The following CYYR1 variants were observed in gnomAD, a reference collection of about 807,000 sequenced individuals.
CYYR1 encodes the protein cysteine and tyrosine rich 1.
CYYR1 carries 14 observed loss-of-function variants against 15.2 expected under a neutral mutation model. The observed-to-expected ratio is 0.92, with a 90% CI of 0.61 to 1.44. The LOEUF (loss-of-function observed/expected upper bound fraction) is 1.44, where lower values mean the gene tolerates loss of function less well. CYYR1 is among the 40% of genes most tolerant of loss of function. The pLI is 0.00. For missense variants in CYYR1, 228 were observed against 209.5 expected (o/e 1.09, Z -0.54); for synonymous variants, 80 against 77.4 (o/e 1.03, Z -0.18).
At chr21:26,513,350 G>T (rs1444076065) in intron 2 of CYYR1, among the ~76,000 whole-genome samples, 1 of 152,132 alleles carries the variant, frequency 6.6e-6, no homozygotes, top group Admixed American at 6.5e-5. Flanking sequence ...ACATGGGCAG[G>T]CCTGGCACAG....
At chr21:26,564,873 T>C (rs1202994213) in intron 2 of CYYR1, 4 of 1,117,032 alleles carry the variant, frequency 3.6e-6, no homozygotes, top group Non-Finnish European at 4.6e-6. Flanking sequence ...AATTTATTAA[T>C]AATATATTTT....
At position 26,517,144 on chromosome 21, in the gene CYYR1, A is replaced by AAAAAAG. The variant is rs1491223332; in HGVS notation, c.177-36716_177-36715insCTTTTT. ...AAAAAAAAAAAAAAAAAAAAAAAAAAGAATTCACTGGGATAATCTATCAAA... is the reference window on the plus strand; with the variant it reads ...AAAAAAAAAAAAAAAAAAAAAAAAAAAAAAAGGAATTCACTGGGATAATCTATCAAA... On this transcript the variant is annotated intron_variant, in intron 2 of 3. Coordinates refer to ENST00000652641, the MANE Select transcript of CYYR1 (RefSeq NM_001320768.2). 1.4e-3 allele frequency among the ~76,000 whole-genome samples: 156 copies of AAAAAAG among 111,408 alleles called. 6 individuals carry two copies. The highest frequency in any genetic ancestry group is 5.7e-3 in the Middle Eastern group (1 of 174). The allele number at this position is 111,408 out of a possible 152,430, so 73.1% of individuals were successfully genotyped here.
chr21:26,500,175 G>C (rs893437703), intron 2 of CYYR1, among the ~76,000 whole-genome samples: 10 of 151,942 alleles, frequency 6.6e-5, no homozygotes, highest in Non-Finnish European at 1.3e-4. Flanking sequence ...TCATGGTGGG[G>C]GATCCACCCT....
intron 1 of CYYR1, chr21:26,568,882 G>A (rs1356317031): frequency 6.6e-6 from 1 of 152,076 alleles, no homozygotes; most frequent in Non-Finnish European, 1.5e-5. Context: ...CCAATCATCA[G>A]AGAAATGCAA....
At chr21:26,553,668 G>A (rs905405678) in intron 2 of CYYR1, among the ~76,000 whole-genome samples, 11 of 152,108 alleles carry the variant, frequency 7.2e-5, no homozygotes, top group Non-Finnish European at 1.3e-4. Context: ...ACTTTCCACA[G>A]TCCTGAAGTA....
At chr21:26,569,868 T>A (rs7277524) in intron 1 of CYYR1, among the ~76,000 whole-genome samples, 12,473 of 152,240 alleles carry the variant, frequency 0.082, 1,731 homozygotes, top group African/African-American at 0.28. Context: ...CCCAAAATGT[T>A]GTAGCCAAGA....
chr21:26,572,184 G>A (rs1981048054), intron 1 of CYYR1, among the ~76,000 whole-genome samples: 2 of 152,300 alleles, frequency 1.3e-5, no homozygotes, highest in South Asian at 4.1e-4. Flanking sequence ...GACCACGTGT[G>A]TAAGACACTT....
chr21:26,483,408 C>G (rs2065209749), intron 2 of CYYR1: 1 of 875,420 alleles, frequency 1.1e-6, no homozygotes, highest in African/African-American at 3.0e-5. Flanking sequence ...GAATTCTCTC[C>G]TATCAAAAAA....
At chr21:26,536,012 C>G (rs1312662533) in intron 2 of CYYR1, among the ~76,000 whole-genome samples, 1 of 152,120 alleles carries the variant, frequency 6.6e-6, no homozygotes, top group African/African-American at 2.4e-5. Flanking sequence ...GCAGGCTGTA[C>G]AAGAAGCATG....
At chr21:26,541,943 A>T (rs1010653639) in intron 2 of CYYR1, among the ~76,000 whole-genome samples, 19 of 152,190 alleles carry the variant, frequency 1.2e-4, no homozygotes, top group African/African-American at 4.6e-4. Flanking sequence ...ATTTCAATTA[A>T]CTCAAAAGTA....
At position 26,517,144 on chromosome 21, in the gene CYYR1, A is replaced by AAAAG. The variant is rs1491223332; in HGVS notation, c.177-36716_177-36715insCTTT. On this transcript the variant is annotated intron_variant, in intron 2 of 3. Transcript: ENST00000652641. ...AAAAAAAAAAAAAAAAAAAAAAAAA[A>AAAAG]GAATTCACTGGGATAATCTATCAAA... Among the ~76,000 whole-genome samples the AAAAG allele has an allele frequency of 9.3e-3, 1,036 of 111,346 alleles. 96 individuals carry two copies. Among genetic ancestry groups the AAAAG allele is most frequent in the African/African-American group, 0.015 (423 of 27,646 alleles). The allele number at this position is 111,346 out of a possible 152,430, so 73.0% of individuals were successfully genotyped here. A position where few individuals can be genotyped will look rare whatever the true frequency, so the allele number is the denominator to read the frequency against.
chr21:26,526,456 A>C (rs1205974794), intron 2 of CYYR1, among the ~76,000 whole-genome samples: 1 of 151,528 alleles, frequency 6.6e-6, no homozygotes, highest in Non-Finnish European at 1.5e-5. Flanking sequence ...CCCACCCCCC[A>C]ACAACAACAA....
chr21:26,479,711 C>G (rs1013022910), intron 3 of CYYR1, among the ~76,000 whole-genome samples: 1 of 151,876 alleles, frequency 6.6e-6, no homozygotes, highest in Admixed American at 6.6e-5. Flanking sequence ...TGAGTTTCTC[C>G]AAGTTGGCCA....
intron 3 of CYYR1, among the ~76,000 whole-genome samples, chr21:26,475,753 C>T (rs1405385021): frequency 6.6e-6 from 1 of 152,140 alleles, no homozygotes; most frequent in Non-Finnish European, 1.5e-5. Flanking sequence ...GTTAATATGA[C>T]ATCAAAGAAG....
chr21:26,553,465 T>C (rs1442356242), intron 2 of CYYR1, among the ~76,000 whole-genome samples: 14 of 152,020 alleles, frequency 9.2e-5, no homozygotes, highest in Non-Finnish European at 2.1e-4. Flanking sequence ...CCTGTCCACA[T>C]TATGCTTGCT....
intron 3 of CYYR1, chr21:26,478,224 A>C (rs762967824): frequency 8.7e-5 from 129 of 1,489,724 alleles, no homozygotes; most frequent in Non-Finnish European, 1.1e-4. Flanking sequence ...CTCTGGATAA[A>C]AAGCAGAGCA....
At chr21:26,535,995 C>T (rs761469429) in intron 2 of CYYR1, among the ~76,000 whole-genome samples, 3 of 152,190 alleles carry the variant, frequency 2.0e-5, no homozygotes. Context: ...AATTGACTCA[C>T]AGTTCGGCAG....
At position 26,564,848 on chromosome 21, in the gene CYYR1, GAAAA is replaced by G. The variant is rs761229494; in HGVS notation, c.176+1414_176+1417del. 3 of 1,145,558 alleles carry G rather than the reference GAAAA, an allele frequency of 2.6e-6. No homozygotes were observed. The South Asian group carries it at 5.6e-5, about 21-fold the overall frequency. The allele number at this position is 1,145,558 out of a possible 1,614,324, so 71.0% of individuals were successfully genotyped here. On this transcript the variant is annotated intron_variant, in intron 2 of 3. Coordinates refer to ENST00000652641, the MANE Select transcript of CYYR1 (RefSeq NM_001320768.2). ...CATCTGGTATGTGGAGACAGTTTGAGAAAAAAAAAATTTAAATTTATTAATAATA... is the reference window on the plus strand; with the variant it reads ...CATCTGGTATGTGGAGACAGTTTGAGAAAAAATTTAAATTTATTAATAATA...
intron 2 of CYYR1, among the ~76,000 whole-genome samples, chr21:26,486,075 C>T (rs988050488): frequency 4.6e-5 from 7 of 152,192 alleles, no homozygotes; most frequent in Non-Finnish European, 8.8e-5. Context: ...ATTTGCCATT[C>T]ATCTTCTTCA....
Sources: gnomAD v4.1 joint callset for allele counts (sites outside exome capture counted in the v4.1 genomes callset) on GRCh38, gnomAD v4.1.1 for gene constraint, MANE v1.5 for transcripts, NCBI Gene and HGNC (gene_info 2026-07-23, HGNC 2026-07-21) for gene names.